TVP23C: variants seen among roughly 807,000 people sequenced by gnomAD.
The protein encoded by TVP23C is Golgi apparatus membrane protein TVP23 homolog C.
Under a neutral mutation model 28.7 loss-of-function variants are expected in TVP23C, and 19 were observed. The observed-to-expected ratio is 0.66, with a 90% CI of 0.46 to 0.97. The LOEUF is 0.97. TVP23C is among the 50% of genes least tolerant of loss of function. The probability of loss-of-function intolerance (pLI) is 0.00; values close to 1 mark genes in which losing one functional copy is unlikely to be tolerated. For missense variants in TVP23C, 186 were observed against 241.3 expected, an observed-to-expected ratio of 0.77 and a Z score of 1.52; for synonymous variants, 68 against 81.7, an observed-to-expected ratio of 0.83 and a Z score of 0.90.
chr17:15,514,604 G>C (rs72824496), intron 5 of TVP23C, among the ~76,000 whole-genome samples: 7,828 of 152,296 alleles, frequency 0.051, 272 homozygotes, highest in Non-Finnish European at 0.073. Flanking sequence ...AAATAGGCAA[G>C]CTGACATCAG....
chr17:15,554,964 T>C (rs1166339771), intron 2 of TVP23C, among the ~76,000 whole-genome samples: 1 of 152,244 alleles, frequency 6.6e-6, no homozygotes, highest in Non-Finnish European at 1.5e-5. Flanking sequence ...TTTTGAAATG[T>C]GCACAATAAA....
chr17:15,507,273 G>A, intron 5 of TVP23C: 1 of 746,636 alleles, frequency 1.3e-6, no homozygotes, highest in South Asian at 1.4e-5. Context: ...CATGAATATT[G>A]TGAAGCCCAT....
intron 3 of TVP23C, among the ~76,000 whole-genome samples, chr17:15,550,147 A>C (rs1435803045): frequency 6.6e-6 from 1 of 152,108 alleles, no homozygotes; most frequent in Non-Finnish European, 1.5e-5. Flanking sequence ...TTTCTTGTCT[A>C]AAATAAAAGG....
chr17:15,511,047 T>A (rs12325899), intron 5 of TVP23C, among the ~76,000 whole-genome samples: 1 of 137,098 alleles, frequency 7.3e-6, no homozygotes, highest in African/African-American at 2.7e-5. Flanking sequence ...GGGCCAGACT[T>A]CGTCTCAAAA....
At position 15,560,763 on chromosome 17, in the gene TVP23C, C is replaced by A. The variant is rs1285079829; in HGVS notation, c.12+2674G>T. On this transcript the variant is annotated intron_variant, in intron 1 of 5. Coordinates refer to ENST00000518321, the MANE Select transcript of TVP23C (RefSeq NM_001135036.2). ...TACAGACGGGGTTTCACCGTGTTAG[C>A]CAGGATGGTCTCGATCTCCTGACCT... is the stretch of plus-strand genomic sequence containing the variant. Among the ~76,000 whole-genome samples, 3 of 149,230 alleles carry A rather than the reference C, an allele frequency of 2.0e-5. 1 individual carries two copies. Among genetic ancestry groups the A allele is most frequent in the Non-Finnish European group, 4.5e-5 (3 of 66,706 alleles).
chr17:15,513,914 G>A (rs988366483), intron 5 of TVP23C, among the ~76,000 whole-genome samples: 1 of 152,258 alleles, frequency 6.6e-6, no homozygotes, highest in Non-Finnish European at 1.5e-5. Flanking sequence ...GAAGCTGGAT[G>A]TAGAAAGTGC....
intron 5 of TVP23C, among the ~76,000 whole-genome samples, chr17:15,530,302 A>AT (rs1982901103): frequency 6.6e-6 from 1 of 151,910 alleles, no homozygotes; most frequent in African/African-American, 2.4e-5. Flanking sequence ...CTCTTATTGT[A>AT]TTTTTTGAGT....
chr17:15,545,693 C>G, intron 5 of TVP23C, 92 bp downstream of exon 5: 2 of 1,493,530 alleles, frequency 1.3e-6, no homozygotes, highest in East Asian at 2.3e-5. Context: ...AGATAGGTCC[C>G]TAATGATAAG....
chr17:15,540,843 G>C (rs1983381507), intron 5 of TVP23C, among the ~76,000 whole-genome samples: 1 of 152,260 alleles, frequency 6.6e-6, no homozygotes, highest in African/African-American at 2.4e-5. Context: ...GCAGTGCAGG[G>C]GGAGCCTTCT....
chr17:15,548,196 C>T (rs1597539918), intron 3 of TVP23C, among the ~76,000 whole-genome samples: 1 of 152,098 alleles, frequency 6.6e-6, no homozygotes, highest in East Asian at 1.9e-4. Flanking sequence ...GACAGAGTTT[C>T]GCTCTTGTTG....
rs183300406 is a variant in TVP23C, at chr17:15,512,206, A to G, written c.463-8974T>C. ...GGCCTCCTCTTCTGTCTTTCTTGGG[A>G]TGTGGGTTGCTCTGATGTTGAAGTG... is the stretch of plus-strand genomic sequence containing the variant. On this transcript the variant is annotated intron_variant, in intron 5 of 5. Coordinates refer to the TVP23C transcript ENST00000225576. Among the ~76,000 whole-genome samples, 5 of 152,312 alleles carry G rather than the reference A, an allele frequency of 3.3e-5. No homozygotes were observed. In the East Asian group the frequency reaches 9.6e-4, roughly 29 times the overall value.
intron 5 of TVP23C, chr17:15,503,591 T>G (rs1981589854): frequency 6.1e-6 from 1 of 163,224 alleles, no homozygotes; most frequent in African/African-American, 2.4e-5. Flanking sequence ...GTCGAAAAAT[T>G]GGTGACATTA....
chr17:15,510,170 T>C (rs1981939582), intron 5 of TVP23C, among the ~76,000 whole-genome samples: 1 of 152,186 alleles, frequency 6.6e-6, no homozygotes, highest in South Asian at 2.1e-4. Context: ...ATGTTTCTGT[T>C]TGCTTTTTTC....
Position 15,537,471 on chromosome 17 carries a change from T to C in TVP23C, c.*2941A>G. 1 of 985,218 alleles carries C rather than the reference T, an allele frequency of 1.0e-6. No individual in the cohort carries two copies. The highest frequency in any genetic ancestry group is 1.2e-6 in the Non-Finnish European group (1 of 829,722). The allele number at this position is 985,218 out of a possible 1,614,324, so 61.0% of individuals were successfully genotyped here. On this transcript the variant is annotated 3_prime_UTR_variant, in exon 6 of 6. Transcript: ENST00000518321. ...ATAGAATAGCAGCAATCTCTGGGTA[T>C]TCCTTAAACTATGATGATTCCACTT...
Position 15,558,713 on chromosome 17 carries a change from T to C in TVP23C, c.13-3349A>G, listed in dbSNP as rs1008980301. Among the ~76,000 whole-genome samples the C allele has an allele frequency of 1.7e-4, 26 of 148,678 alleles. 3 individuals are homozygous for C. The East Asian group carries it at 2.4e-3, about 14-fold the overall frequency. On this transcript the variant is annotated intron_variant, in intron 1 of 5. Coordinates refer to ENST00000518321, the MANE Select transcript of TVP23C (RefSeq NM_001135036.2). ...AAGCTGAATCAGGCAAGGAAACTGA[T>C]TCTCCAGAACCCCTACCCACACCTT...
At chr17:15,557,291 T>TG (rs1491547967) in intron 1 of TVP23C, among the ~76,000 whole-genome samples, 1 of 74,900 alleles carries the variant, frequency 1.3e-5, no homozygotes, top group East Asian at 2.1e-3. Context: ...GAAGACAAGG[T>TG]TTTTTTTTTT....
intron 5 of TVP23C, among the ~76,000 whole-genome samples, chr17:15,529,541 A>G (rs1982868985): frequency 6.6e-6 from 1 of 151,840 alleles, no homozygotes. Context: ...TTTTAAGTGC[A>G]TATTTGTTTT....
chr17:15,528,253 A>G (rs1597519544), intron 5 of TVP23C, among the ~76,000 whole-genome samples: 1 of 152,322 alleles, frequency 6.6e-6, no homozygotes, highest in East Asian at 1.9e-4. Context: ...ATTTCTCTAT[A>G]AACACTGTTA....
chr17:15,538,556 C>T lies in TVP23C; in HGVS notation c.*1856G>A. ...AGTGAGCCGAGATCGCGCCACTGCACTCCAGCCTGGGCAAACAGAGTGAGA... is the reference window on the plus strand; with the variant it reads ...AGTGAGCCGAGATCGCGCCACTGCATTCCAGCCTGGGCAAACAGAGTGAGA... On this transcript the variant is annotated 3_prime_UTR_variant, in exon 6 of 6. Coordinates refer to ENST00000518321, the MANE Select transcript of TVP23C (RefSeq NM_001135036.2). 1 of 962,996 alleles carries T rather than the reference C, an allele frequency of 1.0e-6. No homozygotes were observed. Among genetic ancestry groups the T allele is most frequent in the Non-Finnish European group, 1.2e-6 (1 of 809,566 alleles). 59.7% of individuals were successfully genotyped at this position (962,996 alleles called of 1,614,324 possible). A position where few individuals can be genotyped will look rare whatever the true frequency, so the allele number is the denominator to read the frequency against.
Sources: allele counts gnomAD v4.1 joint callset (sites outside exome capture counted in the v4.1 genomes callset), GRCh38; gene constraint gnomAD v4.1.1; transcripts MANE v1.5; gene names NCBI Gene and HGNC (gene_info 2026-07-23, HGNC 2026-07-21).